The following ACSL1 variants were observed in gnomAD, a reference collection of about 807,000 sequenced individuals.
The protein encoded by ACSL1 is acyl-CoA synthetase long chain family member 1, also known as long-chain-fatty-acid--CoA ligase 1.
ACSL1 carries 41 observed loss-of-function variants against 98.4 expected under a neutral mutation model. The ratio of observed to expected loss-of-function variants is 0.42; its 90% CI spans 0.32 to 0.54. The LOEUF (loss-of-function observed/expected upper bound fraction) is 0.54. Ranked by LOEUF, ACSL1 falls within the 20% of genes least tolerant of loss-of-function variation. ACSL1 has a pLI of 0.13. For synonymous variants in ACSL1, 316 were observed against 322.7 expected (o/e 0.98, Z 0.22); for missense variants, 734 against 883.1 (o/e 0.83, Z 2.14).
chr4:184,811,922 G>A (rs1772153456), intron 1 of ACSL1, among the ~76,000 whole-genome samples: 1 of 152,090 alleles, frequency 6.6e-6, no homozygotes. Context: ...AGAATGAATG[G>A]CAAAACACTG....
intron 2 of ACSL1, among the ~76,000 whole-genome samples, chr4:184,793,357 A>C (rs1203816262): frequency 6.6e-6 from 1 of 152,206 alleles, no homozygotes; most frequent in Non-Finnish European, 1.5e-5. Flanking sequence ...GGGGGCAGGA[A>C]GGGCAGGAAA....
chr4:184,799,690 T>A (rs1476000644), intron 2 of ACSL1, among the ~76,000 whole-genome samples: 7 of 151,824 alleles, frequency 4.6e-5, no homozygotes, highest in South Asian at 2.1e-4. Flanking sequence ...TCTAAAAAAA[T>A]TTTTTTTAAT....
chr4:184,774,265 C>T (rs1020185896), intron 7 of ACSL1, among the ~76,000 whole-genome samples: 7 of 152,150 alleles, frequency 4.6e-5, no homozygotes, highest in East Asian at 1.9e-4. Flanking sequence ...GCAGATACTT[C>T]GTAGGTTCCT....
At chr4:184,780,749 T>G (rs749833273) in intron 4 of ACSL1, among the ~76,000 whole-genome samples, 31 of 152,192 alleles carry the variant, frequency 2.0e-4, no homozygotes, top group Non-Finnish European at 1.5e-4. Context: ...TTTATACAAT[T>G]TTAAAAATGA....
chr4:184,779,233 TG>T (rs1561200055), intron 5 of ACSL1, among the ~76,000 whole-genome samples: 1 of 152,164 alleles, frequency 6.6e-6, no homozygotes, highest in Non-Finnish European at 1.5e-5. Context: ...AATTGAATCA[TG>T]GGGGCTGGTC....
At chr4:184,763,880 A>G (rs1211413989) in intron 15 of ACSL1, among the ~76,000 whole-genome samples, 1 of 152,226 alleles carries the variant, frequency 6.6e-6, no homozygotes, top group Admixed American at 6.5e-5. Context: ...ATCACAAATA[A>G]TTCTTCCTAT....
rs1220202915 is a variant in ACSL1, at chr4:184,757,792, G to A, written c.1884+27C>T. On this transcript the variant is annotated intron_variant, in intron 19 of 20. Coordinates refer to ENST00000281455, the MANE Select transcript of ACSL1 (RefSeq NM_001995.5). The surrounding 1 kb of genome is among the most constrained non-coding windows in gnomAD (Gnocchi z 4.5). ...ACATTTAATGCCAAGTTATGATGAG[G>A]ACAGACTGGACCCTTCAGAACCTTA... 1 of 1,612,134 alleles carries A rather than the reference G, an allele frequency of 6.2e-7. No individual in the cohort carries two copies. Among genetic ancestry groups the A allele is most frequent in the Admixed American group, 1.7e-5 (1 of 60,022 alleles).
Position 184,776,976 on chromosome 4 carries a change from A to G in ACSL1, c.485T>C (p.Ile162Thr). The G allele has an allele frequency of 6.2e-7, 1 of 1,614,082 alleles. No homozygotes were observed. Among genetic ancestry groups the G allele is most frequent in the Non-Finnish European group, 8.5e-7 (1 of 1,179,938 alleles). Reference protein sequence around the residue: ...IFAQNRPEWVIIEQGCFAYSM... With the variant: ...IFAQNRPEWVTIEQGCFAYSM... ...ATAAGCAAAGCATCCTTGTTCAATA[A>G]TCACCCACTAAACAAACAGTAAAGG... is the stretch of plus-strand genomic sequence containing the variant. Residue 162 changes from isoleucine (I) to threonine (T), a missense_variant, in exon 6 of 21, where the codon ATT becomes ACT. By Grantham distance (89) the Ile-to-Thr change is moderately conservative. Transcript: ENST00000281455.
chr4:184,802,754 C>T (rs1410363969), intron 2 of ACSL1, among the ~76,000 whole-genome samples: 2 of 152,218 alleles, frequency 1.3e-5, no homozygotes, highest in Non-Finnish European at 2.9e-5. Flanking sequence ...CACACAACCA[C>T]GGCGCTCAGC....
At position 184,825,773 on chromosome 4, in the gene ACSL1, C is replaced by G. The variant is rs939344584; in HGVS notation, c.-33+143G>C. The G allele has an allele frequency of 1.9e-4, 29 of 149,734 alleles. No homozygotes were observed. The highest frequency in any genetic ancestry group is 7.0e-4 in the African/African-American group (29 of 41,198). 9.3% of individuals were successfully genotyped at this position (149,734 alleles called of 1,614,324 possible). A position where few individuals can be genotyped will look rare whatever the true frequency, so the allele number is the denominator to read the frequency against. Reference sequence around the variant, plus strand: ...GGAGGCCGGAAAGGCGGCGCGGCCCCACGAGCCTGGGGTGGCTCACGCGCC... The same window carrying G: ...GGAGGCCGGAAAGGCGGCGCGGCCCGACGAGCCTGGGGTGGCTCACGCGCC... On this transcript the variant is annotated intron_variant, in intron 1 of 20. Coordinates refer to ENST00000281455, the MANE Select transcript of ACSL1 (RefSeq NM_001995.5). The surrounding 1 kb of genome is among the most constrained non-coding windows in gnomAD (Gnocchi z 4.7).
chr4:184,785,606 C>T (rs11323129), intron 3 of ACSL1, among the ~76,000 whole-genome samples: 74 of 6,426 alleles, frequency 0.012, 7 homozygotes, highest in East Asian at 0.11. Flanking sequence ...TGGGCGGGGG[C>T]GGGGGGGGGG....
intron 1 of ACSL1, among the ~76,000 whole-genome samples, chr4:184,823,527 C>G (rs1773228213): frequency 6.6e-6 from 1 of 152,146 alleles, no homozygotes; most frequent in Admixed American, 6.5e-5. Context: ...TATTTCCAGA[C>G]AAGTGAAACT....
intron 3 of ACSL1, among the ~76,000 whole-genome samples, chr4:184,787,432 G>A (rs1247793781): frequency 1.3e-5 from 2 of 152,192 alleles, no homozygotes; most frequent in Non-Finnish European, 2.9e-5. Flanking sequence ...GGGAAGAAAT[G>A]CTTCACTCAG....
At chr4:184,797,304 G>A (rs775104601) in intron 2 of ACSL1, among the ~76,000 whole-genome samples, 3 of 152,130 alleles carry the variant, frequency 2.0e-5, no homozygotes, top group African/African-American at 7.2e-5. Context: ...ATGAATCAAC[G>A]AGCTGCTCTC....
intron 2 of ACSL1, among the ~76,000 whole-genome samples, chr4:184,789,651 T>C (rs78141499): frequency 0.013 from 1,997 of 152,352 alleles, 39 homozygotes; most frequent in African/African-American, 0.044. Flanking sequence ...ATCTGTTAGC[T>C]TCCTGAGTAT....
intron 2 of ACSL1, among the ~76,000 whole-genome samples, chr4:184,793,970 A>G (rs1233376202): frequency 6.6e-6 from 1 of 152,224 alleles, no homozygotes; most frequent in Non-Finnish European, 1.5e-5. Flanking sequence ...AATGGTCTCT[A>G]TATTACTCAC....
chr4:184,757,527 T>A lies in ACSL1; in HGVS notation c.1956+108A>T. ...GTCAAACTACTCCATTATTTATTCC[T>A]CATGTATGTCTTTAGGTCACCCCAT... On this transcript the variant is annotated intron_variant, in intron 20 of 20. Transcript: ENST00000281455. The surrounding 1 kb of genome is among the most constrained non-coding windows in gnomAD (Gnocchi z 4.5). 1 of 1,075,508 alleles carries A rather than the reference T, an allele frequency of 9.3e-7. No individual in the cohort carries two copies. The highest frequency in any genetic ancestry group is 1.4e-6 in the Non-Finnish European group (1 of 735,558). The allele number at this position is 1,075,508 out of a possible 1,614,324, so 66.6% of individuals were successfully genotyped here.
At chr4:184,789,705 G>A (rs7681334) in intron 2 of ACSL1, among the ~76,000 whole-genome samples, 77,379 of 152,020 alleles carry the variant, frequency 0.51, 20,610 homozygotes, top group East Asian at 0.93. Flanking sequence ...AAGGCGGCAG[G>A]GCCTAGCCTC....
At chr4:184,787,482 G>A (rs58001059) in intron 3 of ACSL1, among the ~76,000 whole-genome samples, 24,612 of 152,174 alleles carry the variant, frequency 0.16, 2,666 homozygotes, top group East Asian at 0.39. Flanking sequence ...AGGTTTTAGA[G>A]AAAAGGTGAA....
Sources: allele counts gnomAD v4.1 joint callset (sites outside exome capture counted in the v4.1 genomes callset), GRCh38; gene constraint gnomAD v4.1.1; non-coding constraint Gnocchi (gnomAD v3.1); transcripts MANE v1.5; gene names NCBI Gene and HGNC (gene_info 2026-07-23, HGNC 2026-07-21).